BOC: variants seen among roughly 807,000 people sequenced by gnomAD.
The protein encoded by BOC is BOC cell adhesion associated, oncogene regulated, also known as brother of CDO.
Under a neutral mutation model 112.0 loss-of-function variants are expected in BOC, and 76 were observed. That is an observed-to-expected ratio of 0.68 (90% CI 0.56 to 0.82). The LOEUF is 0.82. Among genes scored for constraint, BOC ranks in the 40% least tolerant of loss-of-function variants. BOC has a pLI of 0.00. For missense variants in BOC, 1,309 were observed against 1,511.7 expected, an observed-to-expected ratio of 0.87 and a Z score of 2.22; for synonymous variants, 580 against 599.8, an observed-to-expected ratio of 0.97 and a Z score of 0.48.
chr3:113,268,176 C>T, intron 4 of BOC, 123 bp from the exon 5 acceptor site: 2 of 1,417,750 alleles, frequency 1.4e-6, no homozygotes, highest in Non-Finnish European at 1.9e-6. Context: ...CTCGGAGGAT[C>T]CCCTGATATC....
chr3:113,240,713 C>A (rs1944178829), intron 2 of BOC, among the ~76,000 whole-genome samples: 2 of 152,174 alleles, frequency 1.3e-5, no homozygotes, highest in Non-Finnish European at 2.9e-5. Context: ...TTGAGGAATT[C>A]TATCATATCT....
rs1263338675 is a variant in BOC at position 113,272,629 on chromosome 3, C to T, written c.887C>T (p.Thr296Ile). 16 of 1,614,042 alleles carry T rather than the reference C, an allele frequency of 9.9e-6. No homozygotes were observed. The highest frequency in any genetic ancestry group is 1.4e-5 in the Non-Finnish European group (16 of 1,180,010). Residue 296 changes from threonine (T) to isoleucine (I), a missense_variant, in exon 7 of 20, where the codon ACC becomes ATC. Transcript: ENST00000682979. ...ACCACCAGCGAGGAGGACTCAGGCACCTACCGCTGCATGGCCGACAATGGG... is the reference window on the plus strand; with the variant it reads ...ACCACCAGCGAGGAGGACTCAGGCATCTACCGCTGCATGGCCGACAATGGG... The part of the protein sequence containing the change: ...IDTTSEEDSG[T>I]YRCMADNGVG...
At chr3:113,239,939 G>A (rs962368190) in intron 2 of BOC, among the ~76,000 whole-genome samples, 25 of 152,278 alleles carry the variant, frequency 1.6e-4, no homozygotes, top group African/African-American at 4.6e-4. Context: ...ACAAAGTCCC[G>A]TTAGACCCAA....
At chr3:113,221,136 A>G (rs1301657504) in intron 2 of BOC, among the ~76,000 whole-genome samples, 2 of 152,228 alleles carry the variant, frequency 1.3e-5, no homozygotes, top group African/African-American at 2.4e-5. Flanking sequence ...ACTGAGAACC[A>G]GTTTCTTAGG....
In BOC at chr3:113,280,605, C is replaced by A; in HGVS notation, c.2253C>A (p.Ile751=). ...ACACCCCAATCCATGGCTTTTATAT[C>A]TATTATCGACCCACAGACAGTGACA... The part of the protein sequence containing the change: ...NNNTPIHGFY[I]YYRPTDSDND... The change falls in exon 14 of 20, where the codon ATC becomes ATA. Residue 751 remains isoleucine, a synonymous_variant. Transcript: ENST00000682979. 1 of 1,612,862 alleles carries A rather than the reference C, an allele frequency of 6.2e-7. No individual in the cohort carries two copies. Among genetic ancestry groups the A allele is most frequent in the South Asian group, 1.1e-5 (1 of 91,038 alleles).
intron 4 of BOC, among the ~76,000 whole-genome samples, chr3:113,256,753 A>ATG (rs1316396675): frequency 1.3e-5 from 2 of 148,424 alleles, no homozygotes; most frequent in African/African-American, 2.5e-5. Context: ...AATAATACAT[A>ATG]TATGTGTGTG....
At chr3:113,280,988 A>T (rs771468539) in intron 14 of BOC, 43 bp from the exon 15 acceptor site, 26 of 1,609,664 alleles carry the variant, frequency 1.6e-5, no homozygotes, top group Non-Finnish European at 2.1e-5. Flanking sequence ...CAAGAAAACC[A>T]TATACACATT....
In BOC at chr3:113,287,119, G is replaced by A. The variant is rs761960511; in HGVS notation, c.*257G>A. ...AGGAAAGCACCGCACAGGCTGGCGCGGGACAGACTCCTAACCTGGGGCCTC... is the reference window on the plus strand; with the variant it reads ...AGGAAAGCACCGCACAGGCTGGCGCAGGACAGACTCCTAACCTGGGGCCTC... On this transcript the variant is annotated 3_prime_UTR_variant, in exon 20 of 20. Transcript: ENST00000682979. 8.1e-6 allele frequency: 4 copies of A among 495,338 alleles called. No homozygotes were observed. The highest frequency in any genetic ancestry group is 4.7e-5 in the South Asian group (3 of 63,468). 30.7% of individuals were successfully genotyped at this position (495,338 alleles called of 1,614,324 possible).
intron 1 of BOC, among the ~76,000 whole-genome samples, chr3:113,214,384 C>A (rs975150032): frequency 4.6e-5 from 7 of 152,282 alleles, no homozygotes; most frequent in Admixed American, 2.6e-4. Flanking sequence ...CATGGACCCC[C>A]CACGGTTTGA....
At chr3:113,233,785 T>C (rs1943040431) in intron 2 of BOC, among the ~76,000 whole-genome samples, 1 of 152,074 alleles carries the variant, frequency 6.6e-6, no homozygotes, top group African/African-American at 2.4e-5. Context: ...CTCTTTACAT[T>C]CTTCTTCTCC....
intron 4 of BOC, among the ~76,000 whole-genome samples, chr3:113,266,397 T>G (rs1257189252): frequency 1.3e-5 from 2 of 152,220 alleles, no homozygotes; most frequent in Admixed American, 6.5e-5. Flanking sequence ...TTAGACCCAT[T>G]TCACTTCTTT....
chr3:113,259,153 C>T (rs944110469), intron 4 of BOC, among the ~76,000 whole-genome samples: 1 of 152,108 alleles, frequency 6.6e-6, no homozygotes, highest in African/African-American at 2.4e-5. Flanking sequence ...GCCAGGAGTC[C>T]CATTCTATAT....
At chr3:113,268,035 G>T (rs1378822259) in intron 4 of BOC, among the ~76,000 whole-genome samples, 1 of 152,184 alleles carries the variant, frequency 6.6e-6, no homozygotes. Context: ...GATGGTCTGA[G>T]CCAGAGGCAC....
At chr3:113,277,646 C>T (rs1178904961) in intron 9 of BOC, among the ~76,000 whole-genome samples, 1 of 152,186 alleles carries the variant, frequency 6.6e-6, no homozygotes, top group Non-Finnish European at 1.5e-5. Context: ...AAGTGCTTAG[C>T]GAATGTTGCT....
At chr3:113,247,220 T>G (rs967860172) in intron 2 of BOC, among the ~76,000 whole-genome samples, 14 of 152,122 alleles carry the variant, frequency 9.2e-5, no homozygotes, top group Non-Finnish European at 7.4e-5. Context: ...AACATTTGCT[T>G]TCAATTTCCT....
At chr3:113,279,697 C>A (rs1010477559) in intron 12 of BOC, 127 bp from the exon 13 acceptor site, 2 of 1,025,404 alleles carry the variant, frequency 2.0e-6, no homozygotes, top group Non-Finnish European at 2.8e-6. Context: ...TCTTGTGAGG[C>A]CTTTGAGAAC....
intron 4 of BOC, among the ~76,000 whole-genome samples, chr3:113,253,881 G>A (rs1176836185): frequency 2.0e-5 from 3 of 152,180 alleles, no homozygotes; most frequent in African/African-American, 4.8e-5. Flanking sequence ...TCAACAGGGA[G>A]GTTTCATCTG....
At position 113,274,987 on chromosome 3, in the gene BOC, G is replaced by A. The variant is rs1419692566; in HGVS notation, c.1542+305G>A. ...CTGGCTTCTAGTCCCTGAGGAGACC[G>A]TGAACAGTCTCCCTGGTAACCATCA... On this transcript the variant is annotated intron_variant, in intron 9 of 19. Transcript: ENST00000682979. This position sits in a 1 kb window ranked among gnomAD's most constrained non-coding sequence, Gnocchi z 4.8. 2.0e-5 allele frequency among the ~76,000 whole-genome samples: 3 copies of A among 152,208 alleles called. No homozygotes were observed. The highest frequency in any genetic ancestry group is 4.4e-5 in the Non-Finnish European group (3 of 68,036).
At chr3:113,280,906 C>A in intron 14 of BOC, 125 bp from the exon 15 acceptor site, 1 of 1,329,934 alleles carries the variant, frequency 7.5e-7, no homozygotes, top group Admixed American at 1.8e-5. Context: ...CCTCCACACG[C>A]CGCCCCTGTG....
Sources: allele counts gnomAD v4.1 joint callset (sites outside exome capture counted in the v4.1 genomes callset), GRCh38; gene constraint gnomAD v4.1.1; non-coding constraint Gnocchi (gnomAD v3.1); transcripts MANE v1.5; gene names NCBI Gene and HGNC (gene_info 2026-07-23, HGNC 2026-07-21).